The following COL4A4 variants were observed in gnomAD, a reference collection of about 807,000 sequenced individuals.
COL4A4 encodes collagen alpha-4(IV) chain.
Under a neutral mutation model 192.9 loss-of-function variants are expected in COL4A4, and 105 were observed. The ratio of observed to expected loss-of-function variants is 0.54; its 90% CI spans 0.46 to 0.64. COL4A4 has a LOEUF of 0.64. Among genes scored for constraint, COL4A4 ranks in the 30% least tolerant of loss-of-function variants. The pLI is 0.00. For missense variants in COL4A4, 1,967 were observed against 2,169.3 expected (o/e 0.91, Z 1.85); for synonymous variants, 762 against 769.9 (o/e 0.99, Z 0.17).
intron 40 of COL4A4, among the ~76,000 whole-genome samples, chr2:227,031,432 G>C (rs918565342): frequency 6.6e-6 from 1 of 152,174 alleles, no homozygotes; most frequent in African/African-American, 2.4e-5. Flanking sequence ...GGTCAGCTTA[G>C]TAATGACTTC....
At chr2:227,056,475 G>A (rs1054474896) in intron 29 of COL4A4, among the ~76,000 whole-genome samples, 3 of 152,224 alleles carry the variant, frequency 2.0e-5, no homozygotes, top group Admixed American at 6.5e-5. Context: ...CCGAGAAGAA[G>A]TCAGAGCCGG....
intron 4 of COL4A4, among the ~76,000 whole-genome samples, chr2:227,134,251 G>C (rs564018102): frequency 6.6e-6 from 1 of 152,264 alleles, no homozygotes; most frequent in South Asian, 2.1e-4. Flanking sequence ...GTTCCCCAAG[G>C]ACATCTGAGT....
chr2:227,020,553 G>A (rs566477272), intron 44 of COL4A4, among the ~76,000 whole-genome samples: 1 of 152,100 alleles, frequency 6.6e-6, no homozygotes, highest in African/African-American at 2.4e-5. Context: ...ACATCTCTTG[G>A]GCACTTAACT....
At chr2:226,969,394 C>CT in the COL4A4 span, among the ~76,000 whole-genome samples, 2,194 of 115,512 alleles carry the variant, frequency 0.019, 71 homozygotes, top group African/African-American at 0.055. Context: ...ACAGCTCAGC[C>CT]TTTTTTTTTT....
At chr2:227,000,898 CTCTCT>C (rs564595187), downstream of COL4A4, among the ~76,000 whole-genome samples, 31 of 152,234 alleles carry the variant, frequency 2.0e-4, no homozygotes, top group South Asian at 2.9e-3. Context: ...CCTGCACAAG[CTCTCT>C]TCTCTTGTCA....
intron 25 of COL4A4, among the ~76,000 whole-genome samples, chr2:227,067,570 A>C (rs962129558): frequency 1.3e-5 from 2 of 152,192 alleles, no homozygotes; most frequent in Admixed American, 6.5e-5. Flanking sequence ...ATCTCACTCA[A>C]AACCACTCAA....
At chr2:227,055,034 C>T (rs1974995789) in intron 30 of COL4A4, among the ~76,000 whole-genome samples, 1 of 152,148 alleles carries the variant, frequency 6.6e-6, no homozygotes, top group Non-Finnish European at 1.5e-5. Flanking sequence ...AAGTGATCCA[C>T]CCGCCTCAGC....
Position 227,010,188 on chromosome 2 carries a change from T to C in COL4A4, c.4522+125A>G. 4 of 1,031,280 alleles carry C rather than the reference T, an allele frequency of 3.9e-6. No individual in the cohort carries two copies. The Admixed American group carries it at 7.1e-5, about 18-fold the overall frequency. 63.9% of individuals were successfully genotyped at this position (1,031,280 alleles called of 1,614,324 possible). On this transcript the variant is annotated intron_variant, in intron 46 of 47. Transcript: ENST00000396625. Reference sequence around the variant, plus strand: ...AGCTGAGAATGACCATGCTAGTGTTTTTGTTTTAAAAGTAAGAATAATCCC... The same window carrying C: ...AGCTGAGAATGACCATGCTAGTGTTCTTGTTTTAAAAGTAAGAATAATCCC...
chr2:227,045,768 C>CA lies in COL4A4; in HGVS notation c.3289+1706dup, dbSNP rs544655010. 5.3e-4 allele frequency among the ~76,000 whole-genome samples: 30 copies of CA among 56,948 alleles called. 2 individuals carry two copies. The highest frequency in any genetic ancestry group is 7.1e-4 in the Non-Finnish European group (22 of 30,972). The allele number at this position is 56,948 out of a possible 152,430, so 37.4% of individuals were successfully genotyped here. ...TGGGTGAAACAGCAAGACTCCATCT[C>CA]AAAAAAAAAAAATACATATATATAT... On this transcript the variant is annotated intron_variant, in intron 35 of 47. Coordinates refer to ENST00000396625, the MANE Select transcript of COL4A4 (RefSeq NM_000092.5).
chr2:227,158,236 T>C (rs1250132316), intron 1 of COL4A4, among the ~76,000 whole-genome samples: 2 of 152,018 alleles, frequency 1.3e-5, no homozygotes, highest in African/African-American at 2.4e-5. Context: ...GGCAATTTAG[T>C]GGGGGAAAAA....
chr2:227,019,930 G>A (rs1965664946), intron 44 of COL4A4, among the ~76,000 whole-genome samples: 1 of 152,238 alleles, frequency 6.6e-6, no homozygotes, highest in Non-Finnish European at 1.5e-5. Context: ...GCCTCCCAGA[G>A]TGCTGGGATT....
chr2:227,066,455 G>A (rs1444553219), intron 25 of COL4A4, among the ~76,000 whole-genome samples: 1 of 152,086 alleles, frequency 6.6e-6, no homozygotes, highest in Non-Finnish European at 1.5e-5. Context: ...AATGTTAAGG[G>A]CAACCAGAGA....
intron 10 of COL4A4, 72 bp from the exon 11 acceptor site, chr2:227,108,940 C>G (rs970518407): frequency 7.0e-6 from 10 of 1,428,854 alleles, no homozygotes; most frequent in Non-Finnish European, 9.9e-6. Context: ...CTTTTGTTAC[C>G]CCAAAATAGG....
chr2:227,020,007 T>C (rs910512437), intron 44 of COL4A4, among the ~76,000 whole-genome samples: 1 of 152,206 alleles, frequency 6.6e-6, no homozygotes, highest in Non-Finnish European at 1.5e-5. Flanking sequence ...TAATCTACCA[T>C]TACTTTAAGT....
intron 20 of COL4A4, among the ~76,000 whole-genome samples, chr2:227,093,772 C>T (rs556547509): frequency 4.6e-5 from 7 of 152,164 alleles, no homozygotes; most frequent in Admixed American, 2.0e-4. Flanking sequence ...TATTGCAATT[C>T]CCCTGTCTCG....
intron 20 of COL4A4, 126 bp from the exon 21 acceptor site, chr2:227,090,083 C>A (rs879175110): frequency 1.2e-5 from 8 of 674,538 alleles, no homozygotes; most frequent in Admixed American, 5.1e-5. Context: ...CCATTCTTTG[C>A]GCCCTTGTTT....
chr2:227,110,641 A>C (rs2061143800), intron 9 of COL4A4, among the ~76,000 whole-genome samples: 1 of 149,490 alleles, frequency 6.7e-6, no homozygotes, highest in Admixed American at 6.7e-5. Flanking sequence ...TCAGCCTCCC[A>C]AAGTGCTGGG....
At chr2:226,971,186 G>A in the COL4A4 span, among the ~76,000 whole-genome samples, 2 of 152,158 alleles carry the variant, frequency 1.3e-5, no homozygotes, top group Middle Eastern at 3.2e-3. Context: ...GGCTGAAGCC[G>A]CCTCTTGCTC....
chr2:227,055,206 A>G (rs996070584), intron 30 of COL4A4, among the ~76,000 whole-genome samples: 2 of 152,058 alleles, frequency 1.3e-5, no homozygotes, highest in African/African-American at 4.8e-5. Context: ...ACAATTGCCA[A>G]CCTCACTGCA....
Sources: gnomAD v4.1 joint callset for allele counts (sites outside exome capture counted in the v4.1 genomes callset) on GRCh38, gnomAD v4.1.1 for gene constraint, MANE v1.5 for transcripts, NCBI Gene and HGNC (gene_info 2026-07-23, HGNC 2026-07-21) for gene names.